UBTD2: variants seen among roughly 807,000 people sequenced by gnomAD.
The protein encoded by UBTD2 is ubiquitin domain-containing protein 2.
A neutral mutation model predicts 19.8 loss-of-function variants in UBTD2; 9 were observed. The ratio of observed to expected loss-of-function variants is 0.46; its 90% CI spans 0.27 to 0.79. UBTD2 has a LOEUF of 0.79. UBTD2 is among the 30% of genes least tolerant of loss of function. UBTD2 has a pLI of 0.14. For synonymous variants in UBTD2, 98 were observed against 103.9 expected (o/e 0.94, Z 0.35); for missense variants, 250 against 300.4 (o/e 0.83, Z 1.24).
chr5:172,246,508 G>A (rs1388645316), intron 1 of UBTD2, among the ~76,000 whole-genome samples: 4 of 139,472 alleles, frequency 2.9e-5, no homozygotes, highest in Non-Finnish European at 6.0e-5. Context: ...GCAGTGGTGC[G>A]ATCTTGGCTC....
chr5:172,238,273 G>A (rs1772052270), intron 1 of UBTD2, among the ~76,000 whole-genome samples: 1 of 152,286 alleles, frequency 6.6e-6, no homozygotes, highest in South Asian at 2.1e-4. Flanking sequence ...TAGGTACCAT[G>A]CTCTAACAGT....
chr5:172,223,975 T>A (rs1005879049), intron 2 of UBTD2, among the ~76,000 whole-genome samples: 1 of 152,166 alleles, frequency 6.6e-6, no homozygotes, highest in Non-Finnish European at 1.5e-5. Flanking sequence ...TTGCTGATGA[T>A]GCCTACGACA....
intron 1 of UBTD2, among the ~76,000 whole-genome samples, chr5:172,237,110 C>T (rs1032195084): frequency 6.6e-6 from 1 of 152,094 alleles, no homozygotes; most frequent in African/African-American, 2.4e-5. Context: ...TATTCATATA[C>T]TTGAGACAGA....
chr5:172,230,932 T>C (rs1771882140), intron 2 of UBTD2, among the ~76,000 whole-genome samples: 1 of 152,040 alleles, frequency 6.6e-6, no homozygotes, highest in African/African-American at 2.4e-5. Context: ...TATAGGCGCC[T>C]GCCACAAGGC....
At chr5:172,268,684 G>A (rs752573459) in intron 1 of UBTD2, among the ~76,000 whole-genome samples, 10 of 152,084 alleles carry the variant, frequency 6.6e-5, no homozygotes, top group African/African-American at 1.9e-4. Flanking sequence ...AGGAGGCAAC[G>A]GTTGCAGTGA....
At chr5:172,217,332 T>C (rs868133743) in intron 2 of UBTD2, among the ~76,000 whole-genome samples, 3 of 146,352 alleles carry the variant, frequency 2.0e-5, no homozygotes, top group African/African-American at 7.7e-5. Context: ...GGCAGGAGAA[T>C]GGCATGAACC....
intron 1 of UBTD2, among the ~76,000 whole-genome samples, chr5:172,259,191 G>A (rs1198713071): frequency 6.6e-6 from 1 of 152,052 alleles, no homozygotes; most frequent in East Asian, 1.9e-4. Flanking sequence ...TACCCAGGCT[G>A]GAGTGCAGTG....
chr5:172,230,016 G>A (rs1415441149), intron 2 of UBTD2, among the ~76,000 whole-genome samples: 2 of 152,126 alleles, frequency 1.3e-5, no homozygotes, highest in African/African-American at 4.8e-5. Flanking sequence ...AACATGCTGT[G>A]CAAATCATGA....
chr5:172,212,297 A>G, intron 2 of UBTD2, 70 bp from the exon 3 acceptor site: 6 of 1,492,074 alleles, frequency 4.0e-6, no homozygotes, highest in Non-Finnish European at 5.4e-6. Context: ...GCCTCACAAA[A>G]TGCTTAAGCT....
chr5:172,234,372 TAA>T lies in UBTD2; in HGVS notation c.71-16_71-15del. 2 of 1,610,028 alleles carry T rather than the reference TAA, an allele frequency of 1.2e-6. No homozygotes were observed. Among genetic ancestry groups the T allele is most frequent in the Non-Finnish European group, 1.7e-6 (2 of 1,177,054 alleles). On this transcript the variant is annotated splice_polypyrimidine_tract_variant and intron_variant, in intron 1 of 2. Transcript: ENST00000393792. ...GACCTAGAGCAACTGAAAAGAAAAATAAAAGACTGAGATCAAACCCAAAATTT... is the reference window on the plus strand; with the variant it reads ...GACCTAGAGCAACTGAAAAGAAAAATAAGACTGAGATCAAACCCAAAATTT...
At chr5:172,241,171 T>C (rs1243673105) in intron 1 of UBTD2, among the ~76,000 whole-genome samples, 1 of 152,036 alleles carries the variant, frequency 6.6e-6, no homozygotes, top group Non-Finnish European at 1.5e-5. Context: ...CTCAGCACTT[T>C]GGGAGGCCGA....
intron 1 of UBTD2, among the ~76,000 whole-genome samples, chr5:172,262,040 TTTTA>T (rs1488785452): frequency 3.3e-5 from 5 of 152,206 alleles, no homozygotes; most frequent in African/African-American, 9.6e-5. Context: ...TGGCTACTCT[TTTTA>T]TTTCTCTTTC....
chr5:172,273,574 G>T (rs1463666522), intron 1 of UBTD2, among the ~76,000 whole-genome samples: 1 of 122,030 alleles, frequency 8.2e-6, no homozygotes, highest in African/African-American at 3.2e-5. Context: ...CTGGGCGACA[G>T]AGTGAGACTC....
intron 1 of UBTD2, among the ~76,000 whole-genome samples, chr5:172,263,710 C>T (rs890171543): frequency 2.6e-5 from 4 of 152,184 alleles, no homozygotes; most frequent in African/African-American, 7.2e-5. Context: ...AGGAGAATGG[C>T]GTGGACCCAG....
At chr5:172,225,689 C>A (rs1408462489) in intron 2 of UBTD2, among the ~76,000 whole-genome samples, 1 of 152,168 alleles carries the variant, frequency 6.6e-6, no homozygotes, top group Non-Finnish European at 1.5e-5. Flanking sequence ...GTTTTACATA[C>A]ATGTCAAAGC....
At chr5:172,275,191 C>G (rs1376676595) in intron 1 of UBTD2, among the ~76,000 whole-genome samples, 1 of 152,138 alleles carries the variant, frequency 6.6e-6, no homozygotes, top group African/African-American at 2.4e-5. Flanking sequence ...GGAAGAAGTG[C>G]CGAGCAAAAG....
Position 172,283,166 on chromosome 5 carries a change from A to G in UBTD2, c.70+430T>C, listed in dbSNP as rs1755753373. Among the ~76,000 whole-genome samples the G allele has an allele frequency of 6.6e-6, 1 of 152,152 alleles. No homozygotes were observed. Among genetic ancestry groups the G allele is most frequent in the Non-Finnish European group, 1.5e-5 (1 of 68,018 alleles). ...CTGAGACCAGCCAACTCCACAGAAC[A>G]AGGAAGGGTGCGGAAAGATGTGGCG... On this transcript the variant is annotated intron_variant, in intron 1 of 2. Coordinates refer to ENST00000393792, the MANE Select transcript of UBTD2 (RefSeq NM_152277.3). This position sits in a 1 kb window ranked among gnomAD's most constrained non-coding sequence, Gnocchi z 4.3.
chr5:172,228,739 TAAAC>T (rs1771829486), intron 2 of UBTD2, among the ~76,000 whole-genome samples: 1 of 151,738 alleles, frequency 6.6e-6, no homozygotes, highest in African/African-American at 2.4e-5. Context: ...AAACATAAAA[TAAAC>T]AAATAAATAA....
chr5:172,267,007 T>C (rs1755392009), intron 1 of UBTD2, among the ~76,000 whole-genome samples: 1 of 144,562 alleles, frequency 6.9e-6, no homozygotes, highest in African/African-American at 2.6e-5. Flanking sequence ...ATCACACCAC[T>C]GCACTCCACT....
Sources: gnomAD v4.1 joint callset for allele counts (sites outside exome capture counted in the v4.1 genomes callset) on GRCh38, gnomAD v4.1.1 for gene constraint, Gnocchi (gnomAD v3.1) non-coding constraint, MANE v1.5 for transcripts, NCBI Gene and HGNC (gene_info 2026-07-23, HGNC 2026-07-21) for gene names.